The following ABTB2 variants were observed in gnomAD, a reference collection of about 807,000 sequenced individuals.
ABTB2 encodes ankyrin repeat and BTB/POZ domain-containing protein 2.
In ABTB2, 56 loss-of-function variants were observed where a neutral mutation model predicts 104.1. That is an observed-to-expected ratio of 0.54 (90% CI 0.43 to 0.67). The LOEUF is 0.67. ABTB2 is among the 30% of genes least tolerant of loss of function. The probability of loss-of-function intolerance (pLI) is 0.00; values close to 1 mark genes in which losing one functional copy is unlikely to be tolerated. For synonymous variants in ABTB2, 606 were observed against 608.2 expected, an observed-to-expected ratio of 1.00 and a Z score of 0.05; for missense variants, 1,279 against 1,407.7, an observed-to-expected ratio of 0.91 and a Z score of 1.46.
Position 34,250,804 on chromosome 11 carries a change from A to G in ABTB2, c.884-46114T>C, listed in dbSNP as rs1002211424. ...CTAAAGTTGCCATTACTGAGATCCT[A>G]CCAGGTGTGTAAGGCACTTTGCAAA... is the stretch of plus-strand genomic sequence containing the variant. On this transcript the variant is annotated intron_variant, in intron 1 of 16. Coordinates refer to ENST00000435224, the MANE Select transcript of ABTB2 (RefSeq NM_145804.3). Among the ~76,000 whole-genome samples the G allele has an allele frequency of 7.9e-5, 12 of 152,314 alleles. No homozygotes were observed. The East Asian group carries it at 2.3e-3, about 29-fold the overall frequency.
Position 34,357,139 on chromosome 11 carries a change from G to A in ABTB2, c.445C>T (p.Leu149=). The change falls in exon 1 of 17, where the codon CTG becomes TTG. Residue 149 remains leucine, a synonymous_variant. Coordinates refer to ENST00000435224, the MANE Select transcript of ABTB2 (RefSeq NM_145804.3). ...VAREAQRLSV[L]HAKCTRFEVQ... ...TCAAAGCGGGTGCACTTGGCGTGCA[G>A]CACGCTCAGGCGCTGCGCCTCGCGG... The A allele has an allele frequency of 6.7e-7, 1 of 1,499,292 alleles. No individual in the cohort carries two copies. The allele number at this position is 1,499,292 out of a possible 1,614,324, so 92.9% of individuals were successfully genotyped here. A position where few individuals can be genotyped will look rare whatever the true frequency, so the allele number is the denominator to read the frequency against.
chr11:34,196,817 T>C (rs1228087446), intron 3 of ABTB2, among the ~76,000 whole-genome samples: 3 of 152,174 alleles, frequency 2.0e-5, no homozygotes, highest in African/African-American at 7.2e-5. Flanking sequence ...CTGTGTTAAA[T>C]GAATGGATGG....
At chr11:34,208,180 C>T (rs1853432483) in intron 1 of ABTB2, among the ~76,000 whole-genome samples, 1 of 152,164 alleles carries the variant, frequency 6.6e-6, no homozygotes, top group Non-Finnish European at 1.5e-5. Flanking sequence ...GTTCCTTTCC[C>T]CACACAAATT....
chr11:34,189,463 T>C (rs1053998461), intron 3 of ABTB2, among the ~76,000 whole-genome samples: 2 of 152,034 alleles, frequency 1.3e-5, no homozygotes, highest in Admixed American at 1.3e-4. Flanking sequence ...TAGCCAGGCA[T>C]GGCAGAGTGG....
At chr11:34,185,056 T>C (rs1242398766) in intron 3 of ABTB2, among the ~76,000 whole-genome samples, 2 of 152,190 alleles carry the variant, frequency 1.3e-5, no homozygotes, top group African/African-American at 4.8e-5. Flanking sequence ...TGGGGGACTT[T>C]TGTTTAGGCT....
chr11:34,289,578 G>T (rs1413428738), intron 1 of ABTB2, among the ~76,000 whole-genome samples: 1 of 152,094 alleles, frequency 6.6e-6, no homozygotes. Context: ...CTGACTCCAG[G>T]ACCGTAAGGA....
intron 10 of ABTB2, 88 bp from the exon 11 acceptor site, chr11:34,161,169 C>G: frequency 7.4e-7 from 1 of 1,344,296 alleles, no homozygotes. Flanking sequence ...CAGACTCTCT[C>G]GGGATGCCCC....
intron 3 of ABTB2, among the ~76,000 whole-genome samples, chr11:34,173,570 T>C (rs193180360): frequency 6.6e-5 from 10 of 152,202 alleles, no homozygotes; most frequent in Admixed American, 6.5e-5. Context: ...CTCTTTCTGC[T>C]CACAGAGACC....
intron 1 of ABTB2, among the ~76,000 whole-genome samples, chr11:34,329,339 T>C (rs1410014584): frequency 6.6e-6 from 1 of 151,576 alleles, no homozygotes. Context: ...TCCACTCCAC[T>C]TCCTTCCAGA....
At chr11:34,281,302 T>C (rs1034281665) in intron 1 of ABTB2, among the ~76,000 whole-genome samples, 44 of 152,220 alleles carry the variant, frequency 2.9e-4, no homozygotes, top group Non-Finnish European at 2.4e-4. Context: ...GCTCCAATCT[T>C]AGATCCCAGG....
chr11:34,241,501 G>T (rs1359410770), intron 1 of ABTB2, among the ~76,000 whole-genome samples: 2 of 152,262 alleles, frequency 1.3e-5, no homozygotes, highest in Non-Finnish European at 2.9e-5. Flanking sequence ...GATCCACAGG[G>T]TATCTCTCCC....
chr11:34,244,987 G>A (rs955960954), intron 1 of ABTB2, among the ~76,000 whole-genome samples: 3 of 152,150 alleles, frequency 2.0e-5, no homozygotes, highest in Non-Finnish European at 2.9e-5. Context: ...CAGTCTGGAT[G>A]ACAGAGTGAG....
At chr11:34,313,749 T>C (rs1296615928) in intron 1 of ABTB2, among the ~76,000 whole-genome samples, 1 of 152,256 alleles carries the variant, frequency 6.6e-6, no homozygotes, top group Non-Finnish European at 1.5e-5. Context: ...TTTGCAACTC[T>C]ACGGAGAAAC....
At chr11:34,155,198 C>T (rs898339455) in intron 14 of ABTB2, among the ~76,000 whole-genome samples, 2 of 152,366 alleles carry the variant, frequency 1.3e-5, no homozygotes, top group African/African-American at 2.4e-5. Flanking sequence ...CTAAATTCTA[C>T]ACAGGGAGTA....
intron 1 of ABTB2, among the ~76,000 whole-genome samples, chr11:34,233,221 TTTA>T (rs1240178958): frequency 2.7e-3 from 4 of 1,464 alleles, no homozygotes; most frequent in Non-Finnish European, 0.026. Context: ...GATTTTTCTT[TTTA>T]TTTTTTTGAA....
intron 3 of ABTB2, among the ~76,000 whole-genome samples, chr11:34,192,532 C>G (rs1360808577): frequency 6.6e-6 from 1 of 152,224 alleles, no homozygotes; most frequent in Non-Finnish European, 1.5e-5. Context: ...GGGTTCCACA[C>G]TCCTCCTGTT....
At chr11:34,168,430 C>T (rs1401330664) in intron 5 of ABTB2, among the ~76,000 whole-genome samples, 2 of 152,326 alleles carry the variant, frequency 1.3e-5, no homozygotes, top group East Asian at 3.9e-4. Flanking sequence ...TGATTAAGAG[C>T]TATGTAATTA....
At chr11:34,204,503 C>T (rs558840330) in intron 2 of ABTB2, 41 bp downstream of exon 2, 12 of 1,530,934 alleles carry the variant, frequency 7.8e-6, no homozygotes, top group African/African-American at 5.5e-5. Flanking sequence ...GAGACCTCGC[C>T]GTTGCTCTAC....
intron 13 of ABTB2, 27 bp downstream of exon 13, chr11:34,159,879 G>C (rs778208632): frequency 1.3e-6 from 2 of 1,561,514 alleles, no homozygotes; most frequent in South Asian, 1.1e-5. Context: ...CCCCTGGGCT[G>C]GGAGTTTGTT....
Sources: gnomAD v4.1 joint callset for allele counts (sites outside exome capture counted in the v4.1 genomes callset) on GRCh38, gnomAD v4.1.1 for gene constraint, MANE v1.5 for transcripts, NCBI Gene and HGNC (gene_info 2026-07-23, HGNC 2026-07-21) for gene names.